The following IMPG1 variants were observed in gnomAD, a reference collection of about 807,000 sequenced individuals.
The protein encoded by IMPG1 is interphotoreceptor matrix proteoglycan of 150 kDa.
A neutral mutation model predicts 92.0 loss-of-function variants in IMPG1; 85 were observed. The observed-to-expected ratio is 0.92, with a 90% CI of 0.78 to 1.11. The LOEUF (loss-of-function observed/expected upper bound fraction) is 1.11, where lower values mean the gene tolerates loss of function less well. Among genes scored for constraint, IMPG1 ranks in the 50% least tolerant of loss-of-function variants. IMPG1 has a pLI of 0.00. For synonymous variants in IMPG1, 367 were observed against 334.1 expected (o/e 1.10, Z -1.08); for missense variants, 1,022 against 956.0 (o/e 1.07, Z -0.91).
At chr6:76,013,061 A>G (rs1783217876) in intron 7 of IMPG1, among the ~76,000 whole-genome samples, 1 of 152,112 alleles carries the variant, frequency 6.6e-6, no homozygotes, top group African/African-American at 2.4e-5. Context: ...GCACTGCTGA[A>G]ATGGGTTTAT....
chr6:75,980,892 G>A (rs1030511344), intron 12 of IMPG1, among the ~76,000 whole-genome samples: 2 of 152,172 alleles, frequency 1.3e-5, no homozygotes, highest in African/African-American at 4.8e-5. Flanking sequence ...CTGTGTGTTG[G>A]AAATGCAAAT....
At chr6:75,938,710 G>A (rs1781787815) in intron 14 of IMPG1, among the ~76,000 whole-genome samples, 1 of 152,132 alleles carries the variant, frequency 6.6e-6, no homozygotes, top group Non-Finnish European at 1.5e-5. Context: ...CTGCTTAGGA[G>A]GCTGAGACAG....
intron 2 of IMPG1, among the ~76,000 whole-genome samples, chr6:76,038,524 T>C (rs1440719276): frequency 6.6e-6 from 1 of 152,000 alleles, no homozygotes; most frequent in African/African-American, 2.4e-5. Flanking sequence ...ACCAGGATAG[T>C]CCCCCATCCT....
intron 12 of IMPG1, among the ~76,000 whole-genome samples, chr6:75,993,638 A>G (rs893300675): frequency 1.3e-5 from 2 of 152,130 alleles, no homozygotes; most frequent in African/African-American, 2.4e-5. Context: ...CCTTCCAAAT[A>G]CCATCACAGT....
chr6:76,054,456 T>C lies in IMPG1; in HGVS notation c.68-12330A>G, dbSNP rs144384202. 3.4e-3 allele frequency among the ~76,000 whole-genome samples: 518 copies of C among 152,246 alleles called. 3 individuals carry two copies. The highest frequency in any genetic ancestry group is 0.01 in the Middle Eastern group (3 of 294). On this transcript the variant is annotated intron_variant, in intron 1 of 16. Coordinates refer to ENST00000369950, the MANE Select transcript of IMPG1 (RefSeq NM_001563.4). ...ACGAAACGCACCTGTTAAAAGACAG[T>C]GATTGTCAGACTACATTTAAAAAGG...
chr6:76,022,773 G>A (rs576466852), intron 5 of IMPG1, among the ~76,000 whole-genome samples: 1 of 152,074 alleles, frequency 6.6e-6, no homozygotes, highest in Non-Finnish European at 1.5e-5. Flanking sequence ...GCAAGTCTGG[G>A]TTCTATTCAA....
In IMPG1 at chr6:75,950,818, T is replaced by C; in HGVS notation, c.1568A>G (p.Asp523Gly). Residue 523 changes from aspartate to glycine, a missense_variant, in exon 13 of 17, where the codon GAT becomes GGT. Asp to Gly is a moderately conservative substitution (Grantham distance 94, BLOSUM62 -1). This residue lies in a region of IMPG1 where 332 missense variants were observed against 346.2 expected (regional missense o/e 0.96). Coordinates refer to ENST00000369950, the MANE Select transcript of IMPG1 (RefSeq NM_001563.4). ...EDMVRHLDEM[D>G]LSDTPAPSEV... Reference sequence around the variant, plus strand: ...AGATGGGGCAGGAGTGTCAGACAGATCCATTTCATCTAGGTGTCTGACCAT... The same window carrying C: ...AGATGGGGCAGGAGTGTCAGACAGACCCATTTCATCTAGGTGTCTGACCAT... 2 of 1,613,910 alleles carry C rather than the reference T, an allele frequency of 1.2e-6. No individual in the cohort carries two copies. Among genetic ancestry groups the C allele is most frequent in the Non-Finnish European group, 1.7e-6 (2 of 1,179,910 alleles).
chr6:76,060,705 A>T (rs1456124763), intron 1 of IMPG1, among the ~76,000 whole-genome samples: 1 of 152,048 alleles, frequency 6.6e-6, no homozygotes, highest in East Asian at 1.9e-4. Flanking sequence ...CTTTCAGCAA[A>T]TTGCTTTGTG....
intron 12 of IMPG1, among the ~76,000 whole-genome samples, chr6:75,989,829 C>A: frequency 6.6e-6 from 1 of 152,212 alleles, no homozygotes; most frequent in South Asian, 2.1e-4. Context: ...GGTGCCATAG[C>A]GAGACTTGGT....
At chr6:76,001,812 T>C (rs1886986) in intron 12 of IMPG1, among the ~76,000 whole-genome samples, 7,158 of 152,296 alleles carry the variant, frequency 0.047, 454 homozygotes, top group African/African-American at 0.14. Context: ...CCACTAACTT[T>C]AGGGATGGTT....
chr6:75,930,894 T>C, intron 15 of IMPG1, 59 bp downstream of exon 15: 3 of 1,428,618 alleles, frequency 2.1e-6, no homozygotes, highest in South Asian at 2.3e-5. Context: ...TAATGATGGG[T>C]TTCTCAGAAG....
rs972272746 is a variant in IMPG1, at chr6:76,072,536, T to G, written c.-48A>C. 1 of 1,043,158 alleles carries G rather than the reference T, an allele frequency of 9.6e-7. No homozygotes were observed. The highest frequency in any genetic ancestry group is 1.4e-5 in the South Asian group (1 of 71,278). The allele number at this position is 1,043,158 out of a possible 1,614,324, so 64.6% of individuals were successfully genotyped here. A position where few individuals can be genotyped will look rare whatever the true frequency, so the allele number is the denominator to read the frequency against. ...TTCTGATAACAATCACAGAACAACCTCAAATCTCATTAAAAAGTAACAGAA... is the reference window on the plus strand; with the variant it reads ...TTCTGATAACAATCACAGAACAACCGCAAATCTCATTAAAAAGTAACAGAA... On this transcript the variant is annotated 5_prime_UTR_variant, in exon 1 of 17. Transcript: ENST00000369950.
chr6:75,991,201 G>A (rs1782807996), intron 12 of IMPG1, among the ~76,000 whole-genome samples: 1 of 152,064 alleles, frequency 6.6e-6, no homozygotes. Context: ...GACTATCCTG[G>A]TAACACAGTG....
intron 12 of IMPG1, among the ~76,000 whole-genome samples, chr6:75,990,206 G>A (rs1782791895): frequency 6.6e-6 from 1 of 152,072 alleles, no homozygotes. Context: ...ACAATTCTGT[G>A]GATTAGCACT....
At chr6:75,994,211 G>T (rs1006196968) in intron 12 of IMPG1, among the ~76,000 whole-genome samples, 2 of 152,194 alleles carry the variant, frequency 1.3e-5, no homozygotes, top group African/African-American at 2.4e-5. Context: ...TCACTGGGCC[G>T]TTGGAATGAA....
chr6:76,071,035 TA>T (rs1784395876), intron 1 of IMPG1, among the ~76,000 whole-genome samples: 1 of 151,536 alleles, frequency 6.6e-6, no homozygotes, highest in African/African-American at 2.4e-5. Flanking sequence ...TTCCTAGAAG[TA>T]AGCATATAAC....
intron 12 of IMPG1, among the ~76,000 whole-genome samples, chr6:75,991,654 C>A (rs768265061): frequency 6.6e-6 from 1 of 152,174 alleles, no homozygotes; most frequent in African/African-American, 2.4e-5. Flanking sequence ...TTATTGAGTG[C>A]ATATTTCCTG....
At chr6:75,978,192 A>T (rs996491543) in intron 12 of IMPG1, among the ~76,000 whole-genome samples, 1 of 150,906 alleles carries the variant, frequency 6.6e-6, no homozygotes, top group Non-Finnish European at 1.5e-5. Flanking sequence ...ATTCAATGTC[A>T]ATTACTTAAT....
At chr6:75,947,629 A>G (rs768507146) in intron 13 of IMPG1, 96 bp from the exon 14 acceptor site, 164 of 821,294 alleles carry the variant, frequency 2.0e-4, no homozygotes, top group Middle Eastern at 3.2e-4. Flanking sequence ...CGAGACATAT[A>G]TTTTAGTTCC....
Sources: allele counts gnomAD v4.1 joint callset (sites outside exome capture counted in the v4.1 genomes callset), GRCh38; gene constraint gnomAD v4.1.1; regional missense constraint gnomAD v4.1.1; transcripts MANE v1.5; gene names NCBI Gene and HGNC (gene_info 2026-07-23, HGNC 2026-07-21).